The following IFTAP variants were observed in gnomAD, a reference collection of about 807,000 sequenced individuals.
The protein encoded by IFTAP is intraflagellar transport-associated protein.
IFTAP carries 19 observed loss-of-function variants against 19.4 expected under a neutral mutation model. The ratio of observed to expected loss-of-function variants is 0.98; its 90% CI spans 0.68 to 1.44. IFTAP has a LOEUF of 1.44. Ranked by LOEUF, IFTAP falls within the 40% of genes most tolerant of loss-of-function variation. The probability of loss-of-function intolerance (pLI) is 0.00; values close to 1 mark genes in which losing one functional copy is unlikely to be tolerated. For missense variants in IFTAP, 240 were observed against 253.6 expected, an observed-to-expected ratio of 0.95 and a Z score of 0.36; for synonymous variants, 85 against 83.5, an observed-to-expected ratio of 1.02 and a Z score of -0.10.
chr11:36,596,211 G>GTTTTTTTTTTTTTTTTTTTTTTTTTTTTT (rs1243664769), intron 1 of IFTAP, among the ~76,000 whole-genome samples: 1 of 101,158 alleles, frequency 9.9e-6, no homozygotes. Flanking sequence ...AGATGGTAGT[G>GTTTTTTTTTTTTTTTTTTTTTTTTTTTTT]TTTTTTTTTT....
intron 2 of IFTAP, among the ~76,000 whole-genome samples, chr11:36,618,435 A>G (rs1852175485): frequency 6.6e-6 from 1 of 152,006 alleles, no homozygotes; most frequent in Non-Finnish European, 1.5e-5. Context: ...TGCTACCTCA[A>G]AATACACTTA....
intron 4 of IFTAP, among the ~76,000 whole-genome samples, chr11:36,638,606 T>G (rs1310556864): frequency 6.6e-6 from 1 of 152,224 alleles, no homozygotes; most frequent in African/African-American, 2.4e-5. Context: ...TTGGGCCTAA[T>G]TTGTTTTACA....
At chr11:36,652,800 A>AT (rs1853802471) in intron 5 of IFTAP, among the ~76,000 whole-genome samples, 1 of 152,078 alleles carries the variant, frequency 6.6e-6, no homozygotes, top group South Asian at 2.1e-4. Flanking sequence ...TTCTGCATCT[A>AT]TTGAGATAAT....
chr11:36,647,483 G>A (rs1225092484), intron 4 of IFTAP, among the ~76,000 whole-genome samples: 1 of 152,126 alleles, frequency 6.6e-6, no homozygotes, highest in East Asian at 1.9e-4. Flanking sequence ...TTCTTTGCAA[G>A]TGTTGAAAAT....
At chr11:36,601,584 C>T (rs1851511230) in intron 1 of IFTAP, among the ~76,000 whole-genome samples, 1 of 152,112 alleles carries the variant, frequency 6.6e-6, no homozygotes, top group South Asian at 2.1e-4. Flanking sequence ...AAAAAATTTA[C>T]TGAAATACTT....
chr11:36,630,765 A>G (rs7929652), intron 2 of IFTAP, among the ~76,000 whole-genome samples: 14,740 of 151,202 alleles, frequency 0.097, 1,254 homozygotes, highest in African/African-American at 0.16. Context: ...TTTCTTAGTA[A>G]TTACTAGATT....
At chr11:36,597,554 AGGGCATAGTTG>A (rs1851321176) in intron 1 of IFTAP, 1 of 152,196 alleles carries the variant, frequency 6.6e-6, no homozygotes, top group Non-Finnish European at 1.5e-5. Context: ...CTCTGATGCT[AGGGCATAGTTG>A]AGTATAATGA....
rs1168883777 is a variant in IFTAP at position 36,630,745 on chromosome 11, T to C, written c.137-2539T>C. Among the ~76,000 whole-genome samples the C allele has an allele frequency of 3.1e-4, 47 of 151,356 alleles. 1 individual carries two copies. Among genetic ancestry groups the C allele is most frequent in the Admixed American group, 3.0e-3 (46 of 15,254 alleles). On this transcript the variant is annotated intron_variant, in intron 2 of 5. Coordinates refer to ENST00000334307, the MANE Select transcript of IFTAP (RefSeq NM_138787.4). ...ATTATTACAATAGTGTTGTGCTGGG[T>C]ACATAGTATTTTCTTAGTAATTACT...
At chr11:36,606,197 G>A (rs1398991522) in intron 1 of IFTAP, among the ~76,000 whole-genome samples, 1 of 152,208 alleles carries the variant, frequency 6.6e-6, no homozygotes, top group Non-Finnish European at 1.5e-5. Context: ...AGTGGCGCAC[G>A]CCTGTAATCC....
chr11:36,622,648 TGTG>T (rs1468853814), intron 2 of IFTAP, among the ~76,000 whole-genome samples: 7 of 152,038 alleles, frequency 4.6e-5, no homozygotes, highest in Non-Finnish European at 1.5e-5. Flanking sequence ...CTCAAATGGT[TGTG>T]GTGAGAATCA....
chr11:36,659,230 T>G lies in IFTAP; in HGVS notation c.*44T>G. 1.4e-6 allele frequency: 2 copies of G among 1,461,538 alleles called. No individual in the cohort carries two copies. Among genetic ancestry groups the G allele is most frequent in the African/African-American group, 2.9e-5 (2 of 69,792 alleles). The allele number at this position is 1,461,538 out of a possible 1,614,324, so 90.5% of individuals were successfully genotyped here. On this transcript the variant is annotated 3_prime_UTR_variant, in exon 6 of 6. Coordinates refer to ENST00000334307, the MANE Select transcript of IFTAP (RefSeq NM_138787.4). The stretch of plus-strand genomic sequence containing the variant: ...GTGTGTGTGCTTATTTTAATTTTGT[T>G]CTTATTCTAGCAACATTAGAATAAA...
intron 1 of IFTAP, among the ~76,000 whole-genome samples, chr11:36,598,612 T>G (rs977820488): frequency 3.3e-5 from 5 of 152,218 alleles, no homozygotes; most frequent in Admixed American, 3.3e-4. Context: ...CTCATTTTCT[T>G]TAATGCAAGG....
chr11:36,611,350 C>T, intron 2 of IFTAP, among the ~76,000 whole-genome samples: 1 of 151,872 alleles, frequency 6.6e-6, no homozygotes, highest in Non-Finnish European at 1.5e-5. Context: ...ACATCAGAGC[C>T]CACTCTAAAG....
At chr11:36,607,385 TG>T (rs539890960) in intron 1 of IFTAP, among the ~76,000 whole-genome samples, 75 of 152,296 alleles carry the variant, frequency 4.9e-4, no homozygotes, top group African/African-American at 1.5e-3. Flanking sequence ...CAGAACTTTT[TG>T]GAGTTTAGAA....
chr11:36,622,083 A>T (rs1449424245), intron 2 of IFTAP, among the ~76,000 whole-genome samples: 24 of 138,178 alleles, frequency 1.7e-4, no homozygotes, highest in East Asian at 2.9e-4. Flanking sequence ...CTCTTGTTCT[A>T]TTTTTTATTT....
chr11:36,633,513 C>A, intron 3 of IFTAP, 75 bp downstream of exon 3: 1 of 1,192,366 alleles, frequency 8.4e-7, no homozygotes, highest in Non-Finnish European at 1.1e-6. Flanking sequence ...AAAAAGAGAC[C>A]CTACTAAACA....
chr11:36,612,805 A>T (rs1258196370), intron 2 of IFTAP, among the ~76,000 whole-genome samples: 2 of 152,106 alleles, frequency 1.3e-5, no homozygotes, highest in African/African-American at 4.8e-5. Context: ...AGGGTCAGTA[A>T]TCCTATTAAA....
At chr11:36,623,650 CT>C (rs1454770109) in intron 2 of IFTAP, among the ~76,000 whole-genome samples, 1 of 152,176 alleles carries the variant, frequency 6.6e-6, no homozygotes, top group Non-Finnish European at 1.5e-5. Context: ...GTCCTTGCTA[CT>C]TCTGTCTATT....
At chr11:36,631,832 T>C (rs1852739872) in intron 2 of IFTAP, among the ~76,000 whole-genome samples, 1 of 151,294 alleles carries the variant, frequency 6.6e-6, no homozygotes, top group African/African-American at 2.5e-5. Flanking sequence ...TAGGTTCCTG[T>C]ACTTGCTGTT....
Sources: gnomAD v4.1 joint callset for allele counts (sites outside exome capture counted in the v4.1 genomes callset) on GRCh38, gnomAD v4.1.1 for gene constraint, MANE v1.5 for transcripts, NCBI Gene and HGNC (gene_info 2026-07-23, HGNC 2026-07-21) for gene names.